The following CSF1R variants were observed in gnomAD, a reference collection of about 807,000 sequenced individuals.
CSF1R encodes the protein colony stimulating factor 1 receptor, also known as macrophage colony-stimulating factor 1 receptor.
CSF1R carries 40 observed loss-of-function variants against 110.0 expected under a neutral mutation model. The ratio of observed to expected loss-of-function variants is 0.36; its 90% CI spans 0.28 to 0.47. The LOEUF is 0.47. Among genes scored for constraint, CSF1R ranks in the 20% least tolerant of loss-of-function variants. The probability of loss-of-function intolerance (pLI) is 0.99; values close to 1 mark genes in which losing one functional copy is unlikely to be tolerated. For synonymous variants in CSF1R, 523 were observed against 503.4 expected (o/e 1.04, Z -0.52); for missense variants, 1,052 against 1,253.0 (o/e 0.84, Z 2.42).
At chr5:150,109,519 T>C (rs1447410759) in intron 1 of CSF1R, among the ~76,000 whole-genome samples, 1 of 152,200 alleles carries the variant, frequency 6.6e-6, no homozygotes, top group East Asian at 1.9e-4. Context: ...AAGGAGAATG[T>C]TTCAGCTTGG....
intron 6 of CSF1R, 98 bp downstream of exon 6, chr5:150,073,203 T>TAC (rs1360909581): frequency 8.0e-7 from 1 of 1,244,684 alleles, no homozygotes; most frequent in Non-Finnish European, 1.1e-6. Context: ...CTCAAGGTCA[T>TAC]ACACCAAGGT....
intron 14 of CSF1R, chr5:150,058,310 C>G (rs564359532): frequency 2.2e-6 from 1 of 456,284 alleles, no homozygotes; most frequent in East Asian, 7.0e-5. Flanking sequence ...TTGAGAAGCA[C>G]TACTGTAGAC....
intron 3 of CSF1R, 145 bp from the exon 4 acceptor site, chr5:150,078,393 TC>T: frequency 9.6e-7 from 1 of 1,039,512 alleles, no homozygotes; most frequent in Non-Finnish European, 1.4e-6. Flanking sequence ...GCCTTGATGC[TC>T]CCAGTCCCCC....
chr5:150,059,875 A>C lies in CSF1R; in HGVS notation c.1970-13T>G. 6.2e-7 allele frequency: 1 copy of C among 1,602,032 alleles called. No homozygotes were observed. The highest frequency in any genetic ancestry group is 8.5e-7 in the Non-Finnish European group (1 of 1,170,628). ...ACCAGTACAGGGCCTAGAGCAGCCA[A>C]GGGTGTGGGGTGAGGGAGGTGCTGA... On this transcript the variant is annotated splice_polypyrimidine_tract_variant and intron_variant, in intron 13 of 20. Coordinates refer to ENST00000675795, the MANE Select transcript of CSF1R (RefSeq NM_001288705.3).
intron 5 of CSF1R, chr5:150,076,961 A>C: frequency 2.5e-6 from 1 of 400,130 alleles, no homozygotes; most frequent in East Asian, 5.3e-5. Context: ...CCATAAAGGA[A>C]TGCATGAAAG....
At chr5:150,057,154 A>G (rs924369142) in intron 16 of CSF1R, 133 bp downstream of exon 16, 2 of 719,482 alleles carry the variant, frequency 2.8e-6, no homozygotes, top group Admixed American at 2.6e-5. Context: ...TGCTGCCCAA[A>G]TGACTCTCTC....
Position 150,053,506 on chromosome 5 carries a change from G to C in CSF1R, c.*563C>G, listed in dbSNP as rs1581274639. 3.4e-5 allele frequency: 8 copies of C among 238,804 alleles called. No individual in the cohort carries two copies. In the East Asian group the frequency reaches 4.8e-4, roughly 14 times the overall value. The allele number at this position is 238,804 out of a possible 1,614,324, so 14.8% of individuals were successfully genotyped here. On this transcript the variant is annotated 3_prime_UTR_variant, in exon 21 of 21. Transcript: ENST00000675795. Reference sequence around the variant, plus strand: ...GCTCATTACAGCAGTACCAGTATGGGGGTGGGAGGGGTGAGGCTGTGGAGT... The same window carrying C: ...GCTCATTACAGCAGTACCAGTATGGCGGTGGGAGGGGTGAGGCTGTGGAGT...
rs771828963 is a variant in CSF1R at position 150,059,691 on chromosome 5, A to G, written c.2132+9T>C. The G allele has an allele frequency of 9.3e-6, 15 of 1,612,442 alleles. No individual in the cohort carries two copies. The highest frequency in any genetic ancestry group is 1.7e-5 in the Admixed American group (1 of 59,992). ...CCTGGCCTTTTTCTTGTCCTTTGCC[A>G]GGGGCTACCTGCGGACATATTTCTT... On this transcript the variant is annotated intron_variant, in intron 14 of 20. Transcript: ENST00000675795.
chr5:150,073,621 C>T (rs1455069278), intron 5 of CSF1R, 128 bp from the exon 6 acceptor site: 1 of 858,202 alleles, frequency 1.2e-6, no homozygotes, highest in South Asian at 1.9e-5. Context: ...TCCCCACCAC[C>T]CAAGACAGGT....
chr5:150,080,878 T>A lies in CSF1R; in HGVS notation c.196A>T (p.Ser66Cys). 6.2e-7 allele frequency: 1 copy of A among 1,614,170 alleles called. No individual in the cohort carries two copies. Among genetic ancestry groups the A allele is most frequent in the Non-Finnish European group, 8.5e-7 (1 of 1,180,022 alleles). Reference sequence around the variant, plus strand: ...GCGTTGTTGGTGCTGAGGATGCTGCTGGAGCCATCAGAGTACAGGGTCCAG... The same window carrying A: ...GCGTTGTTGGTGCTGAGGATGCTGCAGGAGCCATCAGAGTACAGGGTCCAG... ...PHWTLYSDGSSSILSTNNATF... is the reference protein window; with the variant it reads ...PHWTLYSDGSCSILSTNNATF... Residue 66 changes from serine to cysteine, a missense_variant, in exon 2 of 21, where the codon AGC becomes TGC. Physicochemically the swap from Ser to Cys is moderately radical, Grantham distance 112. Transcript: ENST00000675795.
chr5:150,073,613 C>T, intron 5 of CSF1R, 120 bp from the exon 6 acceptor site: 2 of 956,578 alleles, frequency 2.1e-6, no homozygotes, highest in African/African-American at 3.3e-5. Flanking sequence ...GTACATAGTC[C>T]CCACCACCCA....
At chr5:150,077,978 C>G in intron 4 of CSF1R, 134 bp downstream of exon 4, 1 of 1,108,958 alleles carries the variant, frequency 9.0e-7, no homozygotes, top group Non-Finnish European at 1.3e-6. Flanking sequence ...TGAGTCTGCA[C>G]CCCTCTCTGG....
At position 150,055,137 on chromosome 5, in the gene CSF1R, A is replaced by G. The variant is rs76657201; in HGVS notation, c.2654+100T>C. On this transcript the variant is annotated intron_variant, in intron 19 of 20. Coordinates refer to ENST00000675795, the MANE Select transcript of CSF1R (RefSeq NM_001288705.3). ...TGGGAGAGATAAAGTCTGACCCTGG[A>G]ACATTTTGGACAGGGAAAGATCAGG... is the stretch of plus-strand genomic sequence containing the variant. The G allele has an allele frequency of 2.5e-3, 2,685 of 1,058,424 alleles. 55 individuals carry two copies. The South Asian group carries it at 0.033, about 13-fold the overall frequency. 65.6% of individuals were successfully genotyped at this position (1,058,424 alleles called of 1,614,324 possible). A position where few individuals can be genotyped will look rare whatever the true frequency, so the allele number is the denominator to read the frequency against.
intron 6 of CSF1R, among the ~76,000 whole-genome samples, chr5:150,071,446 C>G (rs1313779395): frequency 6.6e-6 from 1 of 152,192 alleles, no homozygotes; most frequent in African/African-American, 2.4e-5. Context: ...ATGTCTGCAG[C>G]TACTACTAGA....
At chr5:150,104,914 T>C (rs1759501253) in intron 1 of CSF1R, among the ~76,000 whole-genome samples, 1 of 151,650 alleles carries the variant, frequency 6.6e-6, no homozygotes, top group African/African-American at 2.4e-5. Context: ...AGTTTCATTC[T>C]GTCACCCAGG....
chr5:150,065,186 G>T (rs1163164399), intron 10 of CSF1R, among the ~76,000 whole-genome samples: 1 of 152,150 alleles, frequency 6.6e-6, no homozygotes, highest in African/African-American at 2.4e-5. Context: ...TGGAGACAAA[G>T]TCCCGGTCCC....
intron 10 of CSF1R, chr5:150,067,185 C>T (rs1329733620): frequency 6.9e-6 from 1 of 145,682 alleles, no homozygotes; most frequent in East Asian, 2.3e-4. Flanking sequence ...CAACCCTATC[C>T]CTCAGCCCCT....
chr5:150,082,129 G>A (rs765709194), intron 1 of CSF1R, among the ~76,000 whole-genome samples: 1 of 152,216 alleles, frequency 6.6e-6, no homozygotes, highest in African/African-American at 2.4e-5. Context: ...TGCCACTTGC[G>A]GGGCAGCTGT....
chr5:150,112,661 C>T (rs1759759049), intron 1 of CSF1R, among the ~76,000 whole-genome samples: 1 of 152,240 alleles, frequency 6.6e-6, no homozygotes, highest in Non-Finnish European at 1.5e-5. Context: ...AGAGAAGTCA[C>T]AGGCTCTGGG....
Sources: gnomAD v4.1 joint callset for allele counts (sites outside exome capture counted in the v4.1 genomes callset) on GRCh38, gnomAD v4.1.1 for gene constraint, MANE v1.5 for transcripts, NCBI Gene and HGNC (gene_info 2026-07-23, HGNC 2026-07-21) for gene names.